PPP6R3: variants seen among roughly 807,000 people sequenced by gnomAD.
PPP6R3 encodes the protein serine/threonine-protein phosphatase 6 regulatory subunit 3.
Under a neutral mutation model 110.7 loss-of-function variants are expected in PPP6R3, and 38 were observed. The ratio of observed to expected loss-of-function variants is 0.34; its 90% CI spans 0.26 to 0.45. The LOEUF (loss-of-function observed/expected upper bound fraction) is 0.45, where lower values mean the gene tolerates loss of function less well. PPP6R3 is among the 20% of genes least tolerant of loss of function. PPP6R3 has a pLI of 1.00. For synonymous variants in PPP6R3, 369 were observed against 373.5 expected (o/e 0.99, Z 0.14); for missense variants, 870 against 1,062.4 (o/e 0.82, Z 2.52).
intron 23 of PPP6R3, chr11:68,612,806 G>T: frequency 1.8e-6 from 1 of 553,096 alleles, no homozygotes; most frequent in African/African-American, 1.9e-5. Context: ...AGGCCGCGGT[G>T]GGGCGGTTCT....
chr11:68,527,451 TCTTTC>T (rs1398384855), intron 2 of PPP6R3, among the ~76,000 whole-genome samples: 1 of 152,146 alleles, frequency 6.6e-6, no homozygotes, highest in East Asian at 1.9e-4. Context: ...TTCATCCCCT[TCTTTC>T]CTGTCCCATA....
chr11:68,478,042 C>T (rs777063118), intron 1 of PPP6R3, among the ~76,000 whole-genome samples: 13 of 151,582 alleles, frequency 8.6e-5, no homozygotes, highest in South Asian at 2.1e-4. Context: ...CTCTGCCTTC[C>T]GGTTTCAAGC....
intron 1 of PPP6R3, among the ~76,000 whole-genome samples, chr11:68,484,598 A>T (rs2153400967): frequency 6.6e-6 from 1 of 151,410 alleles, no homozygotes; most frequent in African/African-American, 2.4e-5. Flanking sequence ...TATAAGATAC[A>T]TATTTTGAGA....
rs1374875406 is a variant in PPP6R3, at chr11:68,522,137, G to A, written c.-7+2486G>A. On this transcript the variant is annotated intron_variant, in intron 2 of 23. Transcript: ENST00000393800. ...TTGCTTTTTAGCATGTCATTACATA[G>A]TAAATTAATCATTTCTAATTATAGT... 2.6e-5 allele frequency among the ~76,000 whole-genome samples: 4 copies of A among 152,308 alleles called. No individual in the cohort carries two copies. The East Asian group carries it at 7.7e-4, about 29-fold the overall frequency.
At chr11:68,547,122 G>T (rs1049380938) in intron 4 of PPP6R3, among the ~76,000 whole-genome samples, 6 of 152,168 alleles carry the variant, frequency 3.9e-5, no homozygotes, top group African/African-American at 1.4e-4. Flanking sequence ...TGGAAAGATT[G>T]TGGCTTTTGT....
intron 14 of PPP6R3, among the ~76,000 whole-genome samples, chr11:68,579,237 A>G (rs929736906): frequency 2.6e-5 from 4 of 152,218 alleles, no homozygotes; most frequent in African/African-American, 7.2e-5. Context: ...GGATCAAGGA[A>G]TAAGTCTCTA....
chr11:68,491,351 T>C (rs2098982790), intron 1 of PPP6R3, among the ~76,000 whole-genome samples: 1 of 150,234 alleles, frequency 6.7e-6, no homozygotes, highest in African/African-American at 2.4e-5. Flanking sequence ...TGTGTGTGTG[T>C]GTGTGTGTGT....
rs2099279220 is a variant in PPP6R3 at position 68,538,003 on chromosome 11, A to C, written c.227+112A>C. On this transcript the variant is annotated intron_variant, in intron 3 of 23. Transcript: ENST00000393800. ...TGACTGTTGCCATTTACAGAAGGGT[A>C]AGATAGTCAAGAATGACAGGCTCGG... 8 of 792,886 alleles carry C rather than the reference A, an allele frequency of 1.0e-5. No individual in the cohort carries two copies. The East Asian group carries it at 2.2e-4, about 22-fold the overall frequency. 49.1% of individuals were successfully genotyped at this position (792,886 alleles called of 1,614,324 possible).
intron 1 of PPP6R3, among the ~76,000 whole-genome samples, chr11:68,508,709 C>T (rs1264866899): frequency 1.3e-5 from 2 of 152,102 alleles, no homozygotes; most frequent in East Asian, 3.9e-4. Context: ...TATTATGTTA[C>T]ACTTGCATTC....
At chr11:68,479,150 A>C (rs2098875945) in intron 1 of PPP6R3, among the ~76,000 whole-genome samples, 1 of 152,206 alleles carries the variant, frequency 6.6e-6, no homozygotes, top group Non-Finnish European at 1.5e-5. Flanking sequence ...TTCACATGTA[A>C]GTACTTAACA....
chr11:68,522,062 C>G (rs1019614294), intron 2 of PPP6R3, among the ~76,000 whole-genome samples: 1 of 152,198 alleles, frequency 6.6e-6, no homozygotes, highest in Non-Finnish European at 1.5e-5. Context: ...TGAGTATATT[C>G]ATTATTTGGA....
intron 20 of PPP6R3, among the ~76,000 whole-genome samples, chr11:68,601,206 C>T (rs2099630817): frequency 6.6e-6 from 1 of 152,184 alleles, no homozygotes; most frequent in Non-Finnish European, 1.5e-5. Context: ...ACATTTCCGC[C>T]TACTCCTTTT....
Position 68,544,863 on chromosome 11 carries a change from C to T in PPP6R3, c.253C>T (p.Leu85Phe). ...YKYPNISCEL[L>F]TSDVSQMNDR... ...GTATCCAAATATATCTTGTGAGTTG[C>T]TCACTTCTGATGTCTCCCAGATGAA... The change falls in exon 4 of 24, where the codon CTC (leucine) becomes TTC (phenylalanine). Residue 85 changes from leucine to phenylalanine, a missense_variant. By Grantham distance (22) the Leu-to-Phe change is conservative. Coordinates refer to ENST00000393800, the MANE Select transcript of PPP6R3 (RefSeq NM_001164161.2). 6.2e-7 allele frequency: 1 copy of T among 1,604,744 alleles called. No homozygotes were observed. The highest frequency in any genetic ancestry group is 8.5e-7 in the Non-Finnish European group (1 of 1,172,144).
Position 68,479,203 on chromosome 11 carries a change from C to T in PPP6R3, c.-158+18376C>T, listed in dbSNP as rs192100160. Among the ~76,000 whole-genome samples the T allele has an allele frequency of 2.4e-3, 361 of 152,218 alleles. 2 individuals carry two copies. The highest frequency in any genetic ancestry group is 3.1e-3 in the Non-Finnish European group (210 of 68,024). On this transcript the variant is annotated intron_variant, in intron 1 of 23. Coordinates refer to ENST00000393800, the MANE Select transcript of PPP6R3 (RefSeq NM_001164161.2). ...CCATTAATACAATTAAAAAATAATG[C>T]GTGGAGGGTAACTAAGCAGCATAGT...
intron 1 of PPP6R3, among the ~76,000 whole-genome samples, chr11:68,488,355 G>A (rs1411722571): frequency 6.6e-6 from 1 of 151,756 alleles, no homozygotes; most frequent in Non-Finnish European, 1.5e-5. Context: ...TTTCTTTTTT[G>A]TAGAGATGGT....
rs541933396 is a variant in PPP6R3, at chr11:68,481,253, ACT to A, written c.-158+20427_-158+20428del. On this transcript the variant is annotated intron_variant, in intron 1 of 23. Coordinates refer to ENST00000393800, the MANE Select transcript of PPP6R3 (RefSeq NM_001164161.2). Reference sequence around the variant, plus strand: ...TAATGACACATAGGCTGGGGCTAGTACTGGAGTTCATTTTGTGACACTCTGGT... The same window carrying A: ...TAATGACACATAGGCTGGGGCTAGTAGGAGTTCATTTTGTGACACTCTGGT... Among the ~76,000 whole-genome samples, 9 of 152,330 alleles carry A rather than the reference ACT, an allele frequency of 5.9e-5. No individual in the cohort carries two copies. The South Asian group carries it at 1.9e-3, about 32-fold the overall frequency.
chr11:68,469,983 G>A (rs555060087), intron 1 of PPP6R3, among the ~76,000 whole-genome samples: 1 of 152,200 alleles, frequency 6.6e-6, no homozygotes, highest in South Asian at 2.1e-4. Flanking sequence ...CAATGTAAAT[G>A]GAGTCACTTT....
In PPP6R3 at chr11:68,596,912, TGTG is replaced by T. The variant is rs571852947; in HGVS notation, c.2038+698_2038+700del. On this transcript the variant is annotated intron_variant, in intron 19 of 23. Transcript: ENST00000393800. ...GCTGAAGCCCAGCTAGGGTGGACCTTGTGGTGACTTCAGAGCTAGATGGGACCA... is the reference window on the plus strand; with the variant it reads ...GCTGAAGCCCAGCTAGGGTGGACCTTGTGACTTCAGAGCTAGATGGGACCA... Among the ~76,000 whole-genome samples the T allele has an allele frequency of 1.2e-4, 19 of 152,314 alleles. No homozygotes were observed. The South Asian group carries it at 2.9e-3, about 23-fold the overall frequency.
At chr11:68,517,526 A>G (rs932790778) in intron 1 of PPP6R3, among the ~76,000 whole-genome samples, 2 of 152,338 alleles carry the variant, frequency 1.3e-5, no homozygotes, top group Non-Finnish European at 1.5e-5. Context: ...AGACAAATCC[A>G]GAACATGTTA....
Sources: gnomAD v4.1 joint callset for allele counts (sites outside exome capture counted in the v4.1 genomes callset) on GRCh38, gnomAD v4.1.1 for gene constraint, MANE v1.5 for transcripts, NCBI Gene and HGNC (gene_info 2026-07-23, HGNC 2026-07-21) for gene names.